The following BACE2 variants were observed in gnomAD, a reference collection of about 807,000 sequenced individuals.
The protein encoded by BACE2 is beta-secretase 2.
In BACE2, 17 loss-of-function variants were observed where a neutral mutation model predicts 46.2. The ratio of observed to expected loss-of-function variants is 0.37; its 90% CI spans 0.25 to 0.55. The LOEUF is 0.55. Among genes scored for constraint, BACE2 ranks in the 20% least tolerant of loss-of-function variants. The pLI is 0.82. For synonymous variants in BACE2, 277 were observed against 295.9 expected (o/e 0.94, Z 0.66); for missense variants, 595 against 698.1 (o/e 0.85, Z 1.66).
rs1984876908 is a variant in BACE2 at position 41,176,984 on chromosome 21, A to G, written c.312+8409A>G. On this transcript the variant is annotated intron_variant, in intron 1 of 8. Coordinates refer to ENST00000330333, the MANE Select transcript of BACE2 (RefSeq NM_012105.5). ...TACCTTGTTGCCCAAGTAACTGCAA[A>G]TCCCTCCTCTACAAAGTGTGCTTGC... The G allele has an allele frequency of 2.0e-5, 3 of 152,198 alleles. No individual in the cohort carries two copies. In the South Asian group the frequency reaches 6.2e-4, roughly 32 times the overall value. 9.4% of individuals were successfully genotyped at this position (152,198 alleles called of 1,614,324 possible). A position where few individuals can be genotyped will look rare whatever the true frequency, so the allele number is the denominator to read the frequency against.
chr21:41,172,764 C>A (rs898940106), intron 1 of BACE2, among the ~76,000 whole-genome samples: 4 of 152,328 alleles, frequency 2.6e-5, no homozygotes, highest in Middle Eastern at 3.4e-3. Flanking sequence ...CTTCCCTTTC[C>A]TCAGCTGTGG....
At chr21:41,258,460 A>G (rs1326294643) in intron 8 of BACE2, among the ~76,000 whole-genome samples, 1 of 152,214 alleles carries the variant, frequency 6.6e-6, no homozygotes, top group South Asian at 2.1e-4. Flanking sequence ...TGCCAGGATG[A>G]GGTACACAGG....
intron 5 of BACE2, 113 bp downstream of exon 5, chr21:41,243,623 G>T (rs1987370184): frequency 1.7e-6 from 2 of 1,143,832 alleles, no homozygotes; most frequent in South Asian, 2.3e-5. Flanking sequence ...TAAGATAAAG[G>T]CTCATTACAT....
chr21:41,226,368 C>T lies in BACE2; in HGVS notation c.401+14C>T. On this transcript the variant is annotated intron_variant, in intron 2 of 8. Coordinates refer to ENST00000330333, the MANE Select transcript of BACE2 (RefSeq NM_012105.5). Reference sequence around the variant, plus strand: ...TGACACAGAGAGGTAAGCGCTGGCCCCTTGGCTGGTGTGCTGGGCCGGGGC... The same window carrying T: ...TGACACAGAGAGGTAAGCGCTGGCCTCTTGGCTGGTGTGCTGGGCCGGGGC... The T allele has an allele frequency of 6.2e-7, 1 of 1,608,452 alleles. No homozygotes were observed. The highest frequency in any genetic ancestry group is 8.5e-7 in the Non-Finnish European group (1 of 1,178,112).
At chr21:41,210,231 ACCCTT>A (rs1986255750) in intron 1 of BACE2, among the ~76,000 whole-genome samples, 1 of 151,598 alleles carries the variant, frequency 6.6e-6, no homozygotes, top group Admixed American at 6.6e-5. Flanking sequence ...AACTGAACAG[ACCCTT>A]CTTTTTGCCA....
chr21:41,200,863 G>T (rs1985943851), intron 1 of BACE2, among the ~76,000 whole-genome samples: 1 of 152,214 alleles, frequency 6.6e-6, no homozygotes, highest in Non-Finnish European at 1.5e-5. Context: ...CCACAACCGT[G>T]AGAAGATACG....
At chr21:41,220,773 C>T (rs139784784) in intron 1 of BACE2, among the ~76,000 whole-genome samples, 2,156 of 151,384 alleles carry the variant, frequency 0.014, 39 homozygotes, top group African/African-American at 0.049. Flanking sequence ...AACCCAAACA[C>T]CTCTGTAAAG....
At chr21:41,199,905 G>A (rs1985895955) in intron 1 of BACE2, among the ~76,000 whole-genome samples, 1 of 152,020 alleles carries the variant, frequency 6.6e-6, no homozygotes, top group African/African-American at 2.4e-5. Flanking sequence ...AGAACATGCG[G>A]TGTTTGGTTT....
At position 41,168,374 on chromosome 21, in the gene BACE2, G is replaced by C. The variant is rs369963511; in HGVS notation, c.111G>C (p.Ala37=). The C allele has an allele frequency of 1.4e-6, 2 of 1,398,124 alleles. No homozygotes were observed. Among genetic ancestry groups the C allele is most frequent in the South Asian group, 3.2e-5 (2 of 62,104 alleles). The allele number at this position is 1,398,124 out of a possible 1,614,324, so 86.6% of individuals were successfully genotyped here. ...TCACGCTGCCCCTCCGGGTGGCCGCGGCCACGAACCGCGTAGTTGCGCCCA... is the reference window on the plus strand; with the variant it reads ...TCACGCTGCCCCTCCGGGTGGCCGCCGCCACGAACCGCGTAGTTGCGCCCA... ...APFTLPLRVA[A]ATNRVVAPTP... Residue 37 remains alanine, a synonymous_variant, in exon 1 of 9, where the codon GCG becomes GCC. Transcript: ENST00000330333.
intron 1 of BACE2, chr21:41,177,134 G>A (rs1601239853): frequency 6.6e-6 from 1 of 152,198 alleles, no homozygotes; most frequent in Non-Finnish European, 1.5e-5. Context: ...TGATACTATT[G>A]GGCTGTGTTT....
intron 7 of BACE2, among the ~76,000 whole-genome samples, chr21:41,256,861 G>A (rs1278795612): frequency 1.3e-5 from 2 of 152,158 alleles, no homozygotes; most frequent in Non-Finnish European, 2.9e-5. Flanking sequence ...ATATTTTACA[G>A]AGTTTGACTC....
chr21:41,278,573 T>C lies in BACE2; in HGVS notation c.*2949T>C, dbSNP rs1221524500. 6.6e-6 allele frequency: 1 copy of C among 152,190 alleles called. No homozygotes were observed. Among genetic ancestry groups the C allele is most frequent in the Non-Finnish European group, 1.5e-5 (1 of 68,038 alleles). The allele number at this position is 152,190 out of a possible 1,614,324, so 9.4% of individuals were successfully genotyped here. ...GAAACACAGAGGTTTTGGTTGGAGA[T>C]AAATTTGGGGTCAGTTACTGTTCAA... On this transcript the variant is annotated 3_prime_UTR_variant, in exon 9 of 9. Coordinates refer to ENST00000330333, the MANE Select transcript of BACE2 (RefSeq NM_012105.5).
intron 1 of BACE2, among the ~76,000 whole-genome samples, chr21:41,201,006 A>C (rs1384288289): frequency 6.6e-6 from 1 of 152,186 alleles, no homozygotes. Context: ...CACTGTCCGC[A>C]TTCACAGCCT....
intron 8 of BACE2, among the ~76,000 whole-genome samples, chr21:41,258,324 G>A (rs1568890319): frequency 1.3e-5 from 2 of 152,234 alleles, no homozygotes; most frequent in Non-Finnish European, 2.9e-5. Flanking sequence ...CCATGTGGTT[G>A]AAGGAAAGGG....
chr21:41,212,501 A>G (rs1179884494), intron 1 of BACE2, among the ~76,000 whole-genome samples: 1 of 152,164 alleles, frequency 6.6e-6, no homozygotes, highest in African/African-American at 2.4e-5. Context: ...AGACACTGGT[A>G]GGGGGCAGGA....
At chr21:41,207,492 C>T (rs1986165882) in intron 1 of BACE2, among the ~76,000 whole-genome samples, 3 of 152,144 alleles carry the variant, frequency 2.0e-5, no homozygotes, top group South Asian at 2.1e-4. Flanking sequence ...TCAGTAGGAT[C>T]GCATCCTGCT....
intron 1 of BACE2, among the ~76,000 whole-genome samples, chr21:41,174,648 T>C (rs552428084): frequency 1.2e-4 from 19 of 152,208 alleles, no homozygotes; most frequent in African/African-American, 4.6e-4. Context: ...GGTGGGGGGT[T>C]AGTGGGCACT....
At chr21:41,253,758 T>G (rs1987704338) in intron 7 of BACE2, among the ~76,000 whole-genome samples, 1 of 152,238 alleles carries the variant, frequency 6.6e-6, no homozygotes, top group Non-Finnish European at 1.5e-5. Flanking sequence ...GCATTTCATC[T>G]CATTTGCACA....
chr21:41,244,855 C>G (rs1326881070), intron 5 of BACE2, among the ~76,000 whole-genome samples: 1 of 151,110 alleles, frequency 6.6e-6, no homozygotes, highest in African/African-American at 2.5e-5. Flanking sequence ...AAACAAAATA[C>G]AAAACCTCTG....
Sources: allele counts gnomAD v4.1 joint callset (sites outside exome capture counted in the v4.1 genomes callset), GRCh38; gene constraint gnomAD v4.1.1; transcripts MANE v1.5; gene names NCBI Gene and HGNC (gene_info 2026-07-23, HGNC 2026-07-21).